The following PCDH11Y variants were observed in gnomAD, a reference collection of about 807,000 sequenced individuals.
The protein encoded by PCDH11Y is protocadherin 11 Y-linked.
For missense variants in PCDH11Y, 12 were observed against 224.8 expected, an observed-to-expected ratio of 0.05 and a Z score of 6.05; for synonymous variants, 9 against 83.6, an observed-to-expected ratio of 0.11 and a Z score of 4.87.
downstream of PCDH11Y, among the ~76,000 whole-genome samples, chrY:5,102,756 G>A: frequency 3.1e-5 from 1 of 32,632 alleles, no homozygotes; most frequent in Non-Finnish European, 7.5e-5. Context: ...TGAATCATAA[G>A]AATTAGTCAA....
At chrY:5,519,551 T>G in intron 3 of PCDH11Y, among the ~76,000 whole-genome samples, 1 of 32,451 alleles carries the variant, frequency 3.1e-5, no homozygotes, top group Non-Finnish European at 7.5e-5. Context: ...AAGTATGTCT[T>G]GCAGAATTTT....
At chrY:5,555,228 G>A (rs2053422497) in intron 3 of PCDH11Y, among the ~76,000 whole-genome samples, 1 of 32,996 alleles carries the variant, frequency 3.0e-5, no homozygotes, top group African/African-American at 1.2e-4. Flanking sequence ...TTTGGCCAAT[G>A]TCTCCCATTT....
At chrY:5,502,010 A>G in intron 3 of PCDH11Y, among the ~76,000 whole-genome samples, 1 of 32,508 alleles carries the variant, frequency 3.1e-5, no homozygotes, top group Admixed American at 2.9e-4. Flanking sequence ...TGCTCCATTT[A>G]TGTTATGTAC....
intron 4 of PCDH11Y, among the ~76,000 whole-genome samples, chrY:5,694,222 A>G: frequency 3.0e-5 from 1 of 33,013 alleles, no homozygotes; most frequent in Non-Finnish European, 7.5e-5. Context: ...TGCTTAAAAT[A>G]TAAGAAAAAC....
At chrY:5,553,764 C>A in intron 3 of PCDH11Y, among the ~76,000 whole-genome samples, 1 of 32,866 alleles carries the variant, frequency 3.0e-5, no homozygotes, top group Non-Finnish European at 7.5e-5. Flanking sequence ...CCCCTCCTTG[C>A]CTTCTGCCAT....
intron 3 of PCDH11Y, among the ~76,000 whole-genome samples, chrY:5,541,751 C>A (rs2053407348): frequency 6.7e-5 from 1 of 14,907 alleles, no homozygotes; most frequent in Non-Finnish European, 1.3e-4. Flanking sequence ...TTCTTTCTTT[C>A]TTTCTTTCTA....
chrY:5,194,730 C>T, intron 2 of PCDH11Y, among the ~76,000 whole-genome samples: 14 of 32,669 alleles, frequency 4.3e-4, no homozygotes, highest in Non-Finnish European at 4.5e-4. Context: ...AAAAAGTGAG[C>T]AGCAGCAAGA....
chrY:5,344,673 AT>A (rs781019371), intron 2 of PCDH11Y, among the ~76,000 whole-genome samples: 1 of 29,003 alleles, frequency 3.4e-5, no homozygotes, highest in African/African-American at 1.3e-4. Context: ...CTTTTCTTTT[AT>A]TTTTTTTTTT....
At chrY:5,107,887 G>A (rs112549277), downstream of PCDH11Y, among the ~76,000 whole-genome samples, 1 of 31,848 alleles carries the variant, frequency 3.1e-5, no homozygotes, top group Non-Finnish European at 7.7e-5. Flanking sequence ...GTGAAACCCC[G>A]TCTCTACTAA....
intron 2 of PCDH11Y, among the ~76,000 whole-genome samples, chrY:5,421,195 G>A (rs2053258131): frequency 9.5e-5 from 3 of 31,521 alleles, no homozygotes; most frequent in African/African-American, 2.5e-4. Context: ...AGCCAAGATC[G>A]TGCCACTGCA....
chrY:5,614,031 T>C, intron 4 of PCDH11Y, among the ~76,000 whole-genome samples: 1 of 16,111 alleles, frequency 6.2e-5, no homozygotes, highest in African/African-American at 2.6e-4. Context: ...CATAAACATT[T>C]GTATTGCTGG....
At chrY:5,357,920 G>A (rs36085618) in intron 2 of PCDH11Y, among the ~76,000 whole-genome samples, 2 of 33,464 alleles carry the variant, frequency 6.0e-5, no homozygotes, top group Non-Finnish European at 1.5e-4. Flanking sequence ...AGCAACTGTG[G>A]CTTTTTGCTG....
upstream of PCDH11Y, among the ~76,000 whole-genome samples, chrY:5,053,693 A>G: frequency 3.1e-5 from 1 of 31,926 alleles, no homozygotes; most frequent in African/African-American, 1.2e-4. Flanking sequence ...AGACTGGATT[A>G]AGAAAATGTG....
chrY:5,097,098 A>G lies in PCDH11Y; in HGVS notation c.637-1117A>G, dbSNP rs201693931. Among the ~76,000 whole-genome samples the G allele has an allele frequency of 1.3e-3, 33 of 24,885 alleles. No individual in the cohort carries two copies. In the East Asian group the frequency reaches 0.034, roughly 26 times the overall value. The allele number at this position is 24,885 out of a possible 37,273, so 66.8% of individuals were successfully genotyped here. A position where few individuals can be genotyped will look rare whatever the true frequency, so the allele number is the denominator to read the frequency against. On this transcript the variant is annotated intron_variant, in intron 1 of 1. Coordinates refer to ENST00000215473, the Ensembl canonical transcript of PCDH11Y. ...GTCCTATCCGAAGCTACCTTTTTCA[A>G]TTTGAGATCTTGACCTGTGAATTTT...
intron 4 of PCDH11Y, among the ~76,000 whole-genome samples, chrY:5,707,988 A>G (rs2053584072): frequency 1.1e-3 from 36 of 32,421 alleles, no homozygotes; most frequent in African/African-American, 4.3e-3. Flanking sequence ...GGAAAAAGAA[A>G]ATACAATGGA....
At chrY:5,617,463 C>T in intron 4 of PCDH11Y, among the ~76,000 whole-genome samples, 7 of 32,335 alleles carry the variant, frequency 2.2e-4, no homozygotes, top group Admixed American at 1.7e-3. Context: ...TTTTGCTTGT[C>T]TTTAGTTGAG....
At chrY:5,150,180 A>G in intron 2 of PCDH11Y, among the ~76,000 whole-genome samples, 1 of 32,579 alleles carries the variant, frequency 3.1e-5, no homozygotes, top group Non-Finnish European at 7.6e-5. Flanking sequence ...GTATTTTTTA[A>G]ACATTTTTAG....
At chrY:5,633,859 A>G in intron 4 of PCDH11Y, among the ~76,000 whole-genome samples, 2 of 29,808 alleles carry the variant, frequency 6.7e-5, no homozygotes, top group Non-Finnish European at 1.6e-4. Context: ...GATCTCCCCA[A>G]TGCACTCCAG....
At position 5,461,019 on chromosome Y, in the gene PCDH11Y, A is replaced by G. The variant is rs2053302737; in HGVS notation, c.3130-40038A>G. On this transcript the variant is annotated intron_variant, in intron 2 of 4. Coordinates refer to the PCDH11Y transcript ENST00000400457. ...TATTTTTCCCTAGAAAATGTATTAC[A>G]TGGTATCCACTAAGATCTAGTTATT... Among the ~76,000 whole-genome samples the G allele has an allele frequency of 9.1e-5, 3 of 33,130 alleles. No homozygotes were observed. The East Asian group carries it at 2.4e-3, about 26-fold the overall frequency. The allele number at this position is 33,130 out of a possible 37,273, so 88.9% of individuals were successfully genotyped here.
Sources: gnomAD v4.1 joint callset for allele counts (sites outside exome capture counted in the v4.1 genomes callset) on GRCh38, gnomAD v4.1.1 for gene constraint, MANE v1.5 for transcripts, NCBI Gene and HGNC (gene_info 2026-07-23, HGNC 2026-07-21) for gene names.